SLC44A1: variants seen among roughly 807,000 people sequenced by gnomAD.
The protein encoded by SLC44A1 is solute carrier family 44 member 1.
In SLC44A1, 26 loss-of-function variants were observed where a neutral mutation model predicts 79.3. That is an observed-to-expected ratio of 0.33 (90% CI 0.24 to 0.46). The LOEUF (loss-of-function observed/expected upper bound fraction) is 0.46, where lower values mean the gene tolerates loss of function less well. Ranked by LOEUF, SLC44A1 falls within the 20% of genes least tolerant of loss-of-function variation. SLC44A1 has a pLI of 1.00. For missense variants in SLC44A1, 688 were observed against 798.1 expected, an observed-to-expected ratio of 0.86 and a Z score of 1.66; for synonymous variants, 263 against 286.2, an observed-to-expected ratio of 0.92 and a Z score of 0.82.
chr9:105,330,803 C>T (rs190214607), intron 3 of SLC44A1, among the ~76,000 whole-genome samples: 1 of 152,300 alleles, frequency 6.6e-6, no homozygotes, highest in African/African-American at 2.4e-5. Flanking sequence ...GGAAACCACC[C>T]CAACTGTAAT....
chr9:105,407,992 C>T (rs941766306), intron 15 of SLC44A1, among the ~76,000 whole-genome samples: 4 of 151,988 alleles, frequency 2.6e-5, no homozygotes, highest in Non-Finnish European at 5.9e-5. Context: ...CATGGTGAAA[C>T]CCTGTCTATA....
intron 15 of SLC44A1, among the ~76,000 whole-genome samples, chr9:105,387,394 A>G (rs12339823): frequency 0.18 from 27,292 of 151,968 alleles, 4,372 homozygotes; most frequent in African/African-American, 0.43. Context: ...AGATGGAGGC[A>G]CACCAGTAAT....
chr9:105,306,435 T>C (rs1831033095), intron 2 of SLC44A1, among the ~76,000 whole-genome samples: 1 of 152,154 alleles, frequency 6.6e-6, no homozygotes, highest in South Asian at 2.1e-4. Context: ...TTTAAAGAGA[T>C]TGTATTTTTA....
chr9:105,281,034 C>T (rs1156347546), intron 1 of SLC44A1, among the ~76,000 whole-genome samples: 2 of 152,190 alleles, frequency 1.3e-5, no homozygotes, highest in Non-Finnish European at 2.9e-5. Flanking sequence ...GGCCAGAGCA[C>T]ATTCCTTTTT....
chr9:105,411,712 C>T (rs1239128307), intron 15 of SLC44A1, among the ~76,000 whole-genome samples: 2 of 152,082 alleles, frequency 1.3e-5, no homozygotes, highest in African/African-American at 4.8e-5. Flanking sequence ...TCTAGAATGA[C>T]CTTCAATTTC....
At chr9:105,316,279 G>T (rs191520431) in intron 3 of SLC44A1, among the ~76,000 whole-genome samples, 1 of 152,246 alleles carries the variant, frequency 6.6e-6, no homozygotes, top group East Asian at 1.9e-4. Context: ...CATGAGAAAG[G>T]TTACAATGGG....
At chr9:105,320,441 A>G (rs751833489) in intron 3 of SLC44A1, among the ~76,000 whole-genome samples, 14 of 152,116 alleles carry the variant, frequency 9.2e-5, no homozygotes, top group Non-Finnish European at 1.9e-4. Flanking sequence ...ACTTTATAAG[A>G]AATTATCAAG....
intron 1 of SLC44A1, among the ~76,000 whole-genome samples, chr9:105,284,419 T>A (rs1439394108): frequency 1.3e-5 from 2 of 152,102 alleles, no homozygotes; most frequent in Non-Finnish European, 2.9e-5. Context: ...GGTTTTGCCT[T>A]GTCACGTGAG....
intron 5 of SLC44A1, among the ~76,000 whole-genome samples, chr9:105,351,021 T>C (rs1827388844): frequency 6.6e-6 from 1 of 152,358 alleles, no homozygotes; most frequent in Middle Eastern, 3.4e-3. Flanking sequence ...TTATCCAAAT[T>C]CATAACTCTC....
At chr9:105,436,211 A>G (rs928536896) in intron 15 of SLC44A1, among the ~76,000 whole-genome samples, 49 of 152,252 alleles carry the variant, frequency 3.2e-4, no homozygotes, top group Middle Eastern at 3.4e-3. Context: ...AACAGAAAAC[A>G]AAAAAAAGTT....
At chr9:105,329,097 C>T (rs958980631) in intron 3 of SLC44A1, among the ~76,000 whole-genome samples, 1 of 152,234 alleles carries the variant, frequency 6.6e-6, no homozygotes, top group Non-Finnish European at 1.5e-5. Flanking sequence ...CTGCGGGGCT[C>T]TCTGTAGCCT....
chr9:105,302,472 C>A (rs1830905109), intron 2 of SLC44A1, among the ~76,000 whole-genome samples: 1 of 151,876 alleles, frequency 6.6e-6, no homozygotes, highest in African/African-American at 2.4e-5. Context: ...CCTGCCTCGG[C>A]CTCCTGAGTA....
downstream of SLC44A1, among the ~76,000 whole-genome samples, chr9:105,399,788 T>G (rs73514020): frequency 3.5e-4 from 54 of 152,340 alleles, no homozygotes; most frequent in African/African-American, 1.2e-3. Context: ...CTCATTTATA[T>G]GAAATAAATT....
rs1395760966 is a variant in SLC44A1 at position 105,244,815 on chromosome 9, C to T, written c.-54C>T. 17 of 1,081,140 alleles carry T rather than the reference C, an allele frequency of 1.6e-5. No individual in the cohort carries two copies. The highest frequency in any genetic ancestry group is 1.9e-5 in the Non-Finnish European group (17 of 884,686). 67.0% of individuals were successfully genotyped at this position (1,081,140 alleles called of 1,614,324 possible). A position where few individuals can be genotyped will look rare whatever the true frequency, so the allele number is the denominator to read the frequency against. The stretch of plus-strand genomic sequence containing the variant: ...GCCCGCCGGCTCGCATGCCGAGGGG[C>T]TCCGGGGCGTAGCTGCGCGCCCGGC... On this transcript the variant is annotated 5_prime_UTR_variant, in exon 1 of 16. Transcript: ENST00000374720.
At chr9:105,261,517 G>GCA (rs1650904976) in intron 1 of SLC44A1, among the ~76,000 whole-genome samples, 1 of 152,156 alleles carries the variant, frequency 6.6e-6, no homozygotes, top group African/African-American at 2.4e-5. Context: ...AGGAAACTCA[G>GCA]GACAAAGGGA....
At chr9:105,346,904 CAG>C (rs975206832) in intron 4 of SLC44A1, among the ~76,000 whole-genome samples, 1 of 151,990 alleles carries the variant, frequency 6.6e-6, no homozygotes, top group African/African-American at 2.4e-5. Context: ...TCAGATTACT[CAG>C]ATTATCATTA....
chr9:105,349,003 G>A (rs10120853), intron 5 of SLC44A1, among the ~76,000 whole-genome samples: 19,165 of 152,106 alleles, frequency 0.13, 2,365 homozygotes, highest in African/African-American at 0.32. Context: ...TACTGTGCAT[G>A]ATGGATACAA....
chr9:105,247,501 T>G (rs1397701196), intron 1 of SLC44A1, among the ~76,000 whole-genome samples: 4 of 152,184 alleles, frequency 2.6e-5, no homozygotes, highest in African/African-American at 9.6e-5. Context: ...TTTGCCATGT[T>G]GGTCAGGCTG....
intron 1 of SLC44A1, among the ~76,000 whole-genome samples, chr9:105,271,905 C>T (rs1001378190): frequency 6.6e-6 from 1 of 152,172 alleles, no homozygotes; most frequent in Non-Finnish European, 1.5e-5. Flanking sequence ...TGAGCCACTG[C>T]GCCTGGCCTG....
Sources: gnomAD v4.1 joint callset for allele counts (sites outside exome capture counted in the v4.1 genomes callset) on GRCh38, gnomAD v4.1.1 for gene constraint, MANE v1.5 for transcripts, NCBI Gene and HGNC (gene_info 2026-07-23, HGNC 2026-07-21) for gene names.